Variants in FBRSL1 observed in about 807,000 individuals in gnomAD.
FBRSL1 encodes the protein fibrosin like 1.
Under a neutral mutation model 89.6 loss-of-function variants are expected in FBRSL1, and 51 were observed. The observed-to-expected ratio is 0.57, with a 90% CI of 0.45 to 0.72. The LOEUF (loss-of-function observed/expected upper bound fraction) is 0.72. Among genes scored for constraint, FBRSL1 ranks in the 30% least tolerant of loss-of-function variants. The pLI, the probability that FBRSL1 is intolerant of heterozygous loss-of-function variation, is 0.00. For missense variants in FBRSL1, 1,618 were observed against 1,451.8 expected (o/e 1.11, Z -1.86); for synonymous variants, 779 against 681.1 (o/e 1.14, Z -2.24).
chr12:132,503,387 G>GT (rs2033273634), intron 1 of FBRSL1, among the ~76,000 whole-genome samples: 1 of 152,242 alleles, frequency 6.6e-6, no homozygotes, highest in South Asian at 2.1e-4. Context: ...TGCCGGGGCA[G>GT]TTTCTGTGGG....
intron 4 of FBRSL1, among the ~76,000 whole-genome samples, chr12:132,537,449 C>T (rs1033449443): frequency 2.6e-5 from 4 of 152,146 alleles, no homozygotes; most frequent in Admixed American, 2.6e-4. Flanking sequence ...CTCCCTGGCC[C>T]GTGTCCCAGG....
At chr12:132,491,625 A>G (rs777296670) in intron 1 of FBRSL1, among the ~76,000 whole-genome samples, 19 of 152,196 alleles carry the variant, frequency 1.2e-4, no homozygotes, top group South Asian at 2.1e-4. Context: ...TGACTCCCAG[A>G]ATCACCCCAT....
intron 1 of FBRSL1, among the ~76,000 whole-genome samples, chr12:132,493,334 G>C (rs1209340782): frequency 6.6e-6 from 1 of 152,348 alleles, no homozygotes; most frequent in Middle Eastern, 3.4e-3. Flanking sequence ...ACGCTCAGGA[G>C]TTGGAGGAAG....
At chr12:132,567,966 C>T (rs995934903) in intron 6 of FBRSL1, among the ~76,000 whole-genome samples, 2 of 152,198 alleles carry the variant, frequency 1.3e-5, no homozygotes, top group African/African-American at 4.8e-5. Flanking sequence ...ATTGCTGTTC[C>T]AGGCCAGGCC....
intron 2 of FBRSL1, among the ~76,000 whole-genome samples, chr12:132,521,754 C>T (rs2035378902): frequency 6.6e-6 from 1 of 152,220 alleles, no homozygotes; most frequent in Non-Finnish European, 1.5e-5. Flanking sequence ...CTGCCATTCC[C>T]ACCGTGCCGT....
At chr12:132,509,995 G>A (rs1008259414) in intron 2 of FBRSL1, 68 of 1,231,206 alleles carry the variant, frequency 5.5e-5, no homozygotes, top group Non-Finnish European at 6.9e-5. Flanking sequence ...TCGCTGCTGC[G>A]CCCCAGGCAG....
chr12:132,531,000 G>GC (rs1021741078), intron 4 of FBRSL1, among the ~76,000 whole-genome samples: 30 of 150,772 alleles, frequency 2.0e-4, no homozygotes, highest in Non-Finnish European at 4.0e-4. Flanking sequence ...AGTGTGGGGG[G>GC]GGGGGTGCAG....
intron 15 of FBRSL1, chr12:132,581,036 C>G: frequency 1.0e-6 from 1 of 985,474 alleles, no homozygotes; most frequent in Non-Finnish European, 1.2e-6. Flanking sequence ...TGAGGCCCAG[C>G]ACCACATTAA....
rs2040771169 is a variant in FBRSL1 at position 132,581,831 on chromosome 12, G to T, written c.1996+7G>T. ...CTGGGCAGCCATGCACTGGGTGAGT[G>T]ACCCAGCCTGTGCCCCCCTCCCCCG... On this transcript the variant is annotated splice_region_variant and intron_variant, in intron 17 of 18. Coordinates refer to ENST00000680143, the MANE Select transcript of FBRSL1 (RefSeq NM_001367871.1). The T allele has an allele frequency of 3.3e-6, 5 of 1,537,230 alleles. No individual in the cohort carries two copies. Among genetic ancestry groups the T allele is most frequent in the Non-Finnish European group, 4.4e-6 (5 of 1,139,748 alleles).
At chr12:132,510,655 C>G in intron 2 of FBRSL1, 1 of 1,229,516 alleles carries the variant, frequency 8.1e-7, no homozygotes, top group Middle Eastern at 3.1e-4. Flanking sequence ...GTGCCACGAT[C>G]AGGCTGAGGC....
chr12:132,508,987 C>A (rs1331562784), intron 2 of FBRSL1, among the ~76,000 whole-genome samples: 2 of 152,186 alleles, frequency 1.3e-5, no homozygotes, highest in African/African-American at 4.8e-5. Flanking sequence ...CCGCGGGGGT[C>A]CGCTGGTGTG....
intron 2 of FBRSL1, among the ~76,000 whole-genome samples, chr12:132,513,800 G>T (rs969778239): frequency 1.3e-5 from 2 of 152,182 alleles, no homozygotes; most frequent in African/African-American, 4.8e-5. Flanking sequence ...CCCACGAGGG[G>T]CCTGGAGCTC....
chr12:132,533,048 C>T (rs2036421282), intron 4 of FBRSL1, among the ~76,000 whole-genome samples: 1 of 152,200 alleles, frequency 6.6e-6, no homozygotes, highest in Non-Finnish European at 1.5e-5. Context: ...CAATAAAAAC[C>T]CATCAGCCTC....
chr12:132,581,111 G>C (rs1357731002), intron 15 of FBRSL1: 10 of 985,350 alleles, frequency 1.0e-5, no homozygotes, highest in African/African-American at 1.7e-5. Context: ...GGAGTGGTCC[G>C]ATCAAGGTGC....
At chr12:132,535,719 G>A (rs1043113164) in intron 4 of FBRSL1, among the ~76,000 whole-genome samples, 5 of 152,282 alleles carry the variant, frequency 3.3e-5, no homozygotes, top group Non-Finnish European at 7.3e-5. Flanking sequence ...GGGGAGGCTC[G>A]CAGGGCCAGC....
At chr12:132,579,904 T>C (rs2040626831) in intron 15 of FBRSL1, among the ~76,000 whole-genome samples, 1 of 152,210 alleles carries the variant, frequency 6.6e-6, no homozygotes, top group Admixed American at 6.5e-5. Context: ...CTGTTTCTTC[T>C]GGCATCGGTT....
At chr12:132,565,105 C>G (rs868539245) in intron 5 of FBRSL1, 1 of 152,272 alleles carries the variant, frequency 6.6e-6, no homozygotes, top group Non-Finnish European at 1.5e-5. Context: ...AGATGCCCCC[C>G]GCCCTGGTCT....
chr12:132,509,674 G>A (rs1380547148), intron 2 of FBRSL1: 132 of 1,231,278 alleles, frequency 1.1e-4, no homozygotes, highest in Admixed American at 3.4e-4. Context: ...CCAAGGCACC[G>A]CTGCAGGCGC....
intron 15 of FBRSL1, chr12:132,580,753 A>C: frequency 1.0e-6 from 1 of 985,240 alleles, no homozygotes. Flanking sequence ...GCTGGGAGGG[A>C]GTCGGAGTAA....
Sources: gnomAD v4.1 joint callset for allele counts (sites outside exome capture counted in the v4.1 genomes callset) on GRCh38, gnomAD v4.1.1 for gene constraint, MANE v1.5 for transcripts, NCBI Gene and HGNC (gene_info 2026-07-23, HGNC 2026-07-21) for gene names.